The following ZDHHC14 variants were observed in gnomAD, a reference collection of about 807,000 sequenced individuals.
ZDHHC14 encodes the protein palmitoyltransferase ZDHHC14.
ZDHHC14 carries 16 observed loss-of-function variants against 47.7 expected under a neutral mutation model. The ratio of observed to expected loss-of-function variants is 0.34; its 90% CI spans 0.23 to 0.51. The LOEUF is 0.51. Among genes scored for constraint, ZDHHC14 ranks in the 20% least tolerant of loss-of-function variants. The pLI, the probability that ZDHHC14 is intolerant of heterozygous loss-of-function variation, is 0.97. For synonymous variants in ZDHHC14, 293 were observed against 278.9 expected (o/e 1.05, Z -0.50); for missense variants, 515 against 662.5 (o/e 0.78, Z 2.44).
chr6:157,448,330 G>C (rs937235687), intron 1 of ZDHHC14, among the ~76,000 whole-genome samples: 8 of 152,084 alleles, frequency 5.3e-5, no homozygotes, highest in Non-Finnish European at 8.8e-5. Context: ...TTCCTGTCTA[G>C]AGTGTGTGTC....
Position 157,617,433 on chromosome 6 carries a change from T to C in ZDHHC14, c.566-10916T>C, listed in dbSNP as rs542208806. ...GGGTTCTGCTTGGACTCATCGCAGTTGGCTTCTCAAGGGAACTGGCATCAA... is the reference window on the plus strand; with the variant it reads ...GGGTTCTGCTTGGACTCATCGCAGTCGGCTTCTCAAGGGAACTGGCATCAA... On this transcript the variant is annotated intron_variant, in intron 3 of 8. Transcript: ENST00000359775. Among the ~76,000 whole-genome samples, 5 of 152,318 alleles carry C rather than the reference T, an allele frequency of 3.3e-5. No individual in the cohort carries two copies. In the South Asian group the frequency reaches 1.0e-3, roughly 32 times the overall value.
At chr6:157,655,855 C>G (rs538302701) in intron 8 of ZDHHC14, among the ~76,000 whole-genome samples, 3 of 152,176 alleles carry the variant, frequency 2.0e-5, no homozygotes, top group Non-Finnish European at 4.4e-5. Flanking sequence ...TAATACTGGG[C>G]TCACCAGGTT....
chr6:157,516,197 G>T (rs569184166), intron 1 of ZDHHC14, among the ~76,000 whole-genome samples: 1 of 152,268 alleles, frequency 6.6e-6, no homozygotes, highest in African/African-American at 2.4e-5. Flanking sequence ...TTATTTCATT[G>T]CTGTATCATC....
chr6:157,627,389 C>G (rs1785479867), intron 3 of ZDHHC14, among the ~76,000 whole-genome samples: 1 of 152,178 alleles, frequency 6.6e-6, no homozygotes, highest in Non-Finnish European at 1.5e-5. Flanking sequence ...GGTGTCCTCC[C>G]CAGCCGCCAC....
intron 2 of ZDHHC14, among the ~76,000 whole-genome samples, chr6:157,559,541 G>C (rs921282935): frequency 1.3e-5 from 2 of 152,350 alleles, no homozygotes; most frequent in South Asian, 2.1e-4. Context: ...GGTCTCCCAA[G>C]GAGAGCCCAG....
intron 8 of ZDHHC14, among the ~76,000 whole-genome samples, chr6:157,662,012 A>G (rs891658678): frequency 2.0e-5 from 3 of 151,994 alleles, no homozygotes; most frequent in African/African-American, 7.3e-5. Flanking sequence ...TTGGAAAAGC[A>G]TAAGCCAGGA....
At chr6:157,467,613 G>A (rs1455369028) in intron 1 of ZDHHC14, among the ~76,000 whole-genome samples, 1 of 151,548 alleles carries the variant, frequency 6.6e-6, no homozygotes, top group Non-Finnish European at 1.5e-5. Flanking sequence ...ACAGTGACAT[G>A]ATCTTGGCTC....
chr6:157,628,684 C>G, intron 4 of ZDHHC14, 198 bp downstream of exon 4: 1 of 631,226 alleles, frequency 1.6e-6, no homozygotes, highest in Non-Finnish European at 2.6e-6. Context: ...CTGTCATCCC[C>G]CACTCCCCAC....
intron 1 of ZDHHC14, among the ~76,000 whole-genome samples, chr6:157,418,062 C>G (rs1410570332): frequency 6.6e-6 from 1 of 152,130 alleles, no homozygotes; most frequent in African/African-American, 2.4e-5. Context: ...CTCCTCTGCA[C>G]TTACCCCACA....
chr6:157,612,724 A>T (rs1784799439), intron 3 of ZDHHC14, among the ~76,000 whole-genome samples: 1 of 152,158 alleles, frequency 6.6e-6, no homozygotes, highest in Admixed American at 6.5e-5. Flanking sequence ...CTTGACTGGC[A>T]TGCAGCTGCT....
intron 1 of ZDHHC14, among the ~76,000 whole-genome samples, chr6:157,429,151 T>C (rs551168170): frequency 6.6e-6 from 1 of 152,242 alleles, no homozygotes; most frequent in East Asian, 1.9e-4. Context: ...GCTCCATGGA[T>C]CTGTGCAGTG....
rs182765489 is a variant in ZDHHC14 at position 157,616,629 on chromosome 6, C to G, written c.566-11720C>G. Among the ~76,000 whole-genome samples, 713 of 152,222 alleles carry G rather than the reference C, an allele frequency of 4.7e-3. 4 individuals are homozygous for G. The highest frequency in any genetic ancestry group is 7.3e-3 in the Non-Finnish European group (494 of 68,006). On this transcript the variant is annotated intron_variant, in intron 3 of 8. Transcript: ENST00000359775. ...TGAGTGTGTACCGTAGACCAGACCT[C>G]GAACTGAAGGGACAGAGGGATTGTG...
chr6:157,594,434 C>T (rs1341654813), intron 3 of ZDHHC14, among the ~76,000 whole-genome samples: 1 of 152,126 alleles, frequency 6.6e-6, no homozygotes, highest in East Asian at 1.9e-4. Context: ...ATACCAGCTG[C>T]GTGACAGGCA....
At chr6:157,484,421 C>CGTATATGTGT (rs1779725878) in intron 1 of ZDHHC14, among the ~76,000 whole-genome samples, 1 of 143,672 alleles carries the variant, frequency 7.0e-6, no homozygotes, top group African/African-American at 2.6e-5. Context: ...TACACATATA[C>CGTATATGTGT]ATATATATAC....
chr6:157,555,152 A>G (rs1164273332), intron 2 of ZDHHC14, among the ~76,000 whole-genome samples: 1 of 152,192 alleles, frequency 6.6e-6, no homozygotes, highest in African/African-American at 2.4e-5. Context: ...CACCTTCCTC[A>G]ATGCCACTTC....
chr6:157,672,622 G>T, intron 8 of ZDHHC14, 102 bp from the exon 9 acceptor site: 2 of 436,544 alleles, frequency 4.6e-6, no homozygotes, highest in Non-Finnish European at 4.2e-6. Context: ...CTCTCTTCTC[G>T]CACCCCACCC....
chr6:157,521,440 A>G (rs1780910635), intron 1 of ZDHHC14, among the ~76,000 whole-genome samples: 1 of 152,220 alleles, frequency 6.6e-6, no homozygotes, highest in Admixed American at 6.5e-5. Context: ...GGTAGCTCAC[A>G]TACAACAGAA....
chr6:157,579,815 G>T (rs35458964), intron 2 of ZDHHC14, among the ~76,000 whole-genome samples: 2,806 of 152,210 alleles, frequency 0.018, 90 homozygotes, highest in African/African-American at 0.065. Flanking sequence ...TCCAGATATA[G>T]AATTATGTCA....
chr6:157,426,105 G>T (rs188350956), intron 1 of ZDHHC14, among the ~76,000 whole-genome samples: 180 of 152,288 alleles, frequency 1.2e-3, no homozygotes, highest in Middle Eastern at 3.4e-3. Context: ...CAGACCAGGG[G>T]TGGAAGGTCT....
Sources: allele counts gnomAD v4.1 joint callset (sites outside exome capture counted in the v4.1 genomes callset), GRCh38; gene constraint gnomAD v4.1.1; transcripts MANE v1.5; gene names NCBI Gene and HGNC (gene_info 2026-07-23, HGNC 2026-07-21).